B9D1: variants seen among roughly 807,000 people sequenced by gnomAD.
The protein encoded by B9D1 is B9 domain-containing protein 1.
Under a neutral mutation model 26.1 loss-of-function variants are expected in B9D1, and 20 were observed. The ratio of observed to expected loss-of-function variants is 0.77; its 90% CI spans 0.54 to 1.12. B9D1 has a LOEUF of 1.12. Among genes scored for constraint, B9D1 ranks in the 50% most tolerant of loss-of-function variants. B9D1 has a pLI of 0.00. For missense variants in B9D1, 260 were observed against 273.7 expected (o/e 0.95, Z 0.35); for synonymous variants, 105 against 103.1 (o/e 1.02, Z -0.11).
rs2152284585 is a variant in B9D1 at position 19,372,237 on chromosome 17, TTCCTCGAG to T, written c.-298+5614_-298+5621del. On this transcript the variant is annotated intron_variant, in intron 1 of 5. Coordinates refer to the B9D1 transcript ENST00000477478. The surrounding 1 kb of genome is among the most constrained non-coding windows in gnomAD (Gnocchi z 4.4). The stretch of plus-strand genomic sequence containing the variant: ...GTGTCAGGTGCCCCTGCAGATATAA[TTCCTCGAG>T]TCCACAAAACAATGCAACCAGGTGG... 1.3e-5 allele frequency: 2 copies of T among 152,368 alleles called. No individual in the cohort carries two copies. Among genetic ancestry groups the T allele is most frequent in the East Asian group, 3.9e-4 (2 of 5,178 alleles). The allele number at this position is 152,368 out of a possible 1,614,324, so 9.4% of individuals were successfully genotyped here. A position where few individuals can be genotyped will look rare whatever the true frequency, so the allele number is the denominator to read the frequency against.
chr17:19,347,057 C>A lies in B9D1; in HGVS notation c.404+212G>T. On this transcript the variant is annotated intron_variant, in intron 5 of 6. Coordinates refer to ENST00000261499, the MANE Select transcript of B9D1 (RefSeq NM_015681.6). This position sits in a 1 kb window ranked among gnomAD's most constrained non-coding sequence, Gnocchi z 4.3. ...AGACACAAAGATTTTTCACAGGGCA[C>A]AGGGTAAAATCGCCCGGCCTTCTGC... 6.5e-7 allele frequency: 1 copy of A among 1,549,964 alleles called. No homozygotes were observed.
chr17:19,343,532 T>C, intron 6 of B9D1, 71 bp from the exon 7 acceptor site: 1 of 1,605,804 alleles, frequency 6.2e-7, no homozygotes. Flanking sequence ...TCTGGGAATC[T>C]CAGCCTCAGC....
downstream of B9D1, among the ~76,000 whole-genome samples, chr17:19,340,606 C>T (rs951869759): frequency 8.6e-5 from 13 of 150,942 alleles, no homozygotes; most frequent in African/African-American, 3.2e-4. Context: ...ATGGTGAAAC[C>T]CTGAAACCCT....
Position 19,362,621 on chromosome 17 carries a change from A to C in B9D1, c.-52T>G, listed in dbSNP as rs546446461. The C allele has an allele frequency of 6.4e-7, 1 of 1,569,292 alleles. No individual in the cohort carries two copies. The highest frequency in any genetic ancestry group is 1.2e-5 in the South Asian group (1 of 85,792). ...CCACCTAGGCCGCGCGCGGTTGCTA[A>C]GAGACGCCGGCGTTGCCCTAGAAAC... is the stretch of plus-strand genomic sequence containing the variant. On this transcript the variant is annotated 5_prime_UTR_variant, in exon 1 of 7. Coordinates refer to ENST00000261499, the MANE Select transcript of B9D1 (RefSeq NM_015681.6).
upstream of B9D1, among the ~76,000 whole-genome samples, chr17:19,363,281 G>T (rs1315890964): frequency 6.6e-6 from 1 of 152,240 alleles, no homozygotes; most frequent in Admixed American, 6.5e-5. Flanking sequence ...TCGCTCTTTA[G>T]TTCGAAGCTG....
rs1023106243 is a variant in B9D1, at chr17:19,346,832, C to T, written c.404+437G>A. 5 of 1,147,142 alleles carry T rather than the reference C, an allele frequency of 4.4e-6. No homozygotes were observed. In the African/African-American group the frequency reaches 7.9e-5, roughly 18 times the overall value. The allele number at this position is 1,147,142 out of a possible 1,614,324, so 71.1% of individuals were successfully genotyped here. ...CTGTTCCCTGTGCCTGATGTTCTTC[C>T]CCGGCTCTTCCCTCCACACTAAGCC... On this transcript the variant is annotated intron_variant, in intron 5 of 6. Coordinates refer to ENST00000261499, the MANE Select transcript of B9D1 (RefSeq NM_015681.6).
At position 19,370,665 on chromosome 17, in the gene B9D1, T is replaced by C. The variant is rs977360717; in HGVS notation, c.-298+7194A>G. 6.6e-6 allele frequency among the ~76,000 whole-genome samples: 1 copy of C among 152,148 alleles called. No homozygotes were observed. Among genetic ancestry groups the C allele is most frequent in the Non-Finnish European group, 1.5e-5 (1 of 68,028 alleles). On this transcript the variant is annotated intron_variant, in intron 1 of 5. Transcript: ENST00000477478. This position sits in a 1 kb window ranked among gnomAD's most constrained non-coding sequence, Gnocchi z 5.1. ...AGGTCTGTGGTCAGCCTGGCTGTGC[T>C]GAATGGTGGAAGCAGGGGTGAGGCC...
rs922698167 is a variant in B9D1 at position 19,372,523 on chromosome 17, G to T, written c.-298+5336C>A. Among the ~76,000 whole-genome samples, 1 of 152,174 alleles carries T rather than the reference G, an allele frequency of 6.6e-6. No homozygotes were observed. Among genetic ancestry groups the T allele is most frequent in the African/African-American group, 2.4e-5 (1 of 41,428 alleles). ...TCTGCTGCCGCATGCTCGTCTATTA[G>T]GTCCTGACTTACATGTCACTTCCAG... is the stretch of plus-strand genomic sequence containing the variant. On this transcript the variant is annotated intron_variant, in intron 1 of 5. Coordinates refer to the B9D1 transcript ENST00000477478. The surrounding 1 kb of genome is among the most constrained non-coding windows in gnomAD (Gnocchi z 4.4).
chr17:19,357,850 G>C lies in B9D1; in HGVS notation c.234C>G (p.Asn78Lys), dbSNP rs2152273834. The C allele has an allele frequency of 6.2e-7, 1 of 1,613,724 alleles. No individual in the cohort carries two copies. The highest frequency in any genetic ancestry group is 8.5e-7 in the Non-Finnish European group (1 of 1,179,804). ...FPIDVTFKST[N>K]PYGWPQIVLS... ...CCCCTGCAGACTCACAGCCGTAGGG[G>C]TTGGTGCTTTTAAAGGTGACATCAA... Residue 78 changes from asparagine (N) to lysine (K), a missense_variant, in exon 3 of 7, where the codon AAC becomes AAG. Physicochemically the swap from Asn to Lys is moderately conservative, Grantham distance 94 (BLOSUM62 0). Coordinates refer to ENST00000261499, the MANE Select transcript of B9D1 (RefSeq NM_015681.6).
downstream of B9D1, among the ~76,000 whole-genome samples, chr17:19,342,445 G>A (rs933646986): frequency 2.0e-5 from 3 of 152,144 alleles, no homozygotes; most frequent in East Asian, 1.9e-4. Flanking sequence ...CTTGGATCCC[G>A]CTGAGGGCAG....
downstream of B9D1, chr17:19,335,567 G>T: frequency 1.6e-6 from 2 of 1,256,612 alleles, no homozygotes; most frequent in Non-Finnish European, 2.2e-6. Flanking sequence ...GGGGTGGGGG[G>T]TGCTTCTGTG....
intron 5 of B9D1, 147 bp from the exon 6 acceptor site, chr17:19,344,004 C>T: frequency 7.8e-7 from 1 of 1,286,430 alleles, no homozygotes; most frequent in Non-Finnish European, 1.1e-6. Flanking sequence ...AGGCCCTAAG[C>T]AGAGCCTTCC....
intron 1 of B9D1, among the ~76,000 whole-genome samples, chr17:19,377,255 G>T (rs1235534279): frequency 6.6e-6 from 1 of 152,128 alleles, no homozygotes; most frequent in African/African-American, 2.4e-5. Context: ...TTTCTTTTAG[G>T]GGCGATGAAA....
At chr17:19,334,716 T>C (rs1907320502), downstream of B9D1, 1 of 155,020 alleles carries the variant, frequency 6.5e-6, no homozygotes, top group Non-Finnish European at 1.4e-5. This position sits in a 1 kb window ranked among gnomAD's most constrained non-coding sequence, Gnocchi z 4.9. Flanking sequence ...TGGTTGTGCA[T>C]ATTTTATTTT....
downstream of B9D1, chr17:19,335,785 C>T (rs1163804930): frequency 2.4e-4 from 56 of 235,404 alleles, no homozygotes; most frequent in Non-Finnish European, 1.6e-5. Context: ...TATTACCTCC[C>T]TCTTCCAAAC....
chr17:19,335,463 C>CTT (rs2152242987), downstream of B9D1: 1 of 1,549,886 alleles, frequency 6.5e-7, no homozygotes, highest in Admixed American at 2.0e-5. Flanking sequence ...GAAGAAACAT[C>CTT]TTTAACCTTG....
intron 5 of B9D1, among the ~76,000 whole-genome samples, chr17:19,346,439 C>T (rs899966515): frequency 1.3e-5 from 2 of 152,236 alleles, no homozygotes; most frequent in Admixed American, 6.5e-5. Flanking sequence ...GGCTGCTTGC[C>T]GGCTGCTGCC....
In B9D1 at chr17:19,347,425, G is replaced by A; in HGVS notation, c.342-94C>T. The A allele has an allele frequency of 6.9e-7, 1 of 1,448,396 alleles. No homozygotes were observed. Among genetic ancestry groups the A allele is most frequent in the Non-Finnish European group, 9.6e-7 (1 of 1,036,780 alleles). 89.7% of individuals were successfully genotyped at this position (1,448,396 alleles called of 1,614,324 possible). ...ACCCTCAGATCAGGCCAGTGCAGCT[G>A]CAGCGTGGGCCAAGTCAGGGCCAAT... On this transcript the variant is annotated intron_variant, in intron 4 of 6. Transcript: ENST00000261499. This position sits in a 1 kb window ranked among gnomAD's most constrained non-coding sequence, Gnocchi z 4.3.
Position 19,347,401 on chromosome 17 carries a change from C to A in B9D1, c.342-70G>T. ...TTTCTGAGCCTCCAGGGAGAAGAAACCCTCAGATCAGGCCAGTGCAGCTGC... is the reference window on the plus strand; with the variant it reads ...TTTCTGAGCCTCCAGGGAGAAGAAAACCTCAGATCAGGCCAGTGCAGCTGC... On this transcript the variant is annotated intron_variant, in intron 4 of 6. Coordinates refer to ENST00000261499, the MANE Select transcript of B9D1 (RefSeq NM_015681.6). This position sits in a 1 kb window ranked among gnomAD's most constrained non-coding sequence, Gnocchi z 4.3. The A allele has an allele frequency of 1.3e-6, 2 of 1,574,286 alleles. No homozygotes were observed. Among genetic ancestry groups the A allele is most frequent in the Non-Finnish European group, 8.7e-7 (1 of 1,145,324 alleles).
Sources: allele counts gnomAD v4.1 joint callset (sites outside exome capture counted in the v4.1 genomes callset), GRCh38; gene constraint gnomAD v4.1.1; non-coding constraint Gnocchi (gnomAD v3.1); transcripts MANE v1.5; gene names NCBI Gene and HGNC (gene_info 2026-07-23, HGNC 2026-07-21).